Variants in RGS7 observed in about 807,000 individuals in gnomAD.
The protein encoded by RGS7 is regulator of G protein signaling 7, also known as regulator of G-protein signaling 7.
RGS7 carries 27 observed loss-of-function variants against 81.1 expected under a neutral mutation model. The ratio of observed to expected loss-of-function variants is 0.33; its 90% CI spans 0.25 to 0.46. The LOEUF (loss-of-function observed/expected upper bound fraction) is 0.46. Ranked by LOEUF, RGS7 falls within the 20% of genes least tolerant of loss-of-function variation. RGS7 has a pLI of 1.00. For missense variants in RGS7, 396 were observed against 607.4 expected (o/e 0.65, Z 3.66); for synonymous variants, 208 against 207.7 (o/e 1.00, Z -0.01).
chr1:240,830,895 G>A (rs1163227988), intron 9 of RGS7, among the ~76,000 whole-genome samples: 2 of 152,084 alleles, frequency 1.3e-5, no homozygotes, highest in African/African-American at 4.8e-5. Context: ...CAGTCCTGAA[G>A]GAAATTAGAA....
intron 4 of RGS7, among the ~76,000 whole-genome samples, chr1:240,970,071 C>T (rs545579640): frequency 6.6e-6 from 1 of 152,290 alleles, no homozygotes; most frequent in Non-Finnish European, 1.5e-5. Flanking sequence ...AGCTTTCTTG[C>T]CCCCTTCCTA....
chr1:240,866,050 A>G (rs902483300), intron 9 of RGS7, among the ~76,000 whole-genome samples: 3 of 152,218 alleles, frequency 2.0e-5, no homozygotes, highest in Non-Finnish European at 4.4e-5. Context: ...AGTGCCTGAG[A>G]TCACTTCAAA....
At chr1:240,825,315 G>C (rs530596070) in intron 10 of RGS7, among the ~76,000 whole-genome samples, 1 of 152,326 alleles carries the variant, frequency 6.6e-6, no homozygotes, top group South Asian at 2.1e-4. Flanking sequence ...TAAAGTATCA[G>C]TGGTGATACT....
At chr1:241,314,097 G>A (rs1354523300) in intron 2 of RGS7, among the ~76,000 whole-genome samples, 4 of 152,296 alleles carry the variant, frequency 2.6e-5, no homozygotes, top group African/African-American at 9.6e-5. Flanking sequence ...TGACAAGAAA[G>A]GATTTAAAAT....
intron 6 of RGS7, among the ~76,000 whole-genome samples, chr1:240,889,980 A>G (rs1668021177): frequency 6.6e-6 from 1 of 152,140 alleles, no homozygotes; most frequent in Non-Finnish European, 1.5e-5. Flanking sequence ...TATCTCTCAG[A>G]GTTTCCACCT....
intron 3 of RGS7, among the ~76,000 whole-genome samples, chr1:241,038,833 G>T (rs1290896184): frequency 6.6e-6 from 1 of 152,016 alleles, no homozygotes; most frequent in Non-Finnish European, 1.5e-5. Flanking sequence ...AAATTAGTAG[G>T]GCATGCATTT....
chr1:240,789,455 A>G (rs1177667995), intron 18 of RGS7, among the ~76,000 whole-genome samples: 3 of 152,228 alleles, frequency 2.0e-5, no homozygotes, highest in African/African-American at 7.2e-5. Flanking sequence ...GGCAGAACAG[A>G]GCCATATTTC....
intron 15 of RGS7, 97 bp from the exon 16 acceptor site, chr1:240,803,090 A>C: frequency 2.5e-6 from 2 of 807,302 alleles, no homozygotes. Context: ...ATCTAGTAGC[A>C]GCGAAAAATA....
intron 2 of RGS7, among the ~76,000 whole-genome samples, chr1:241,145,851 G>C (rs1346265377): frequency 1.3e-5 from 2 of 152,188 alleles, no homozygotes; most frequent in Non-Finnish European, 2.9e-5. Flanking sequence ...GTGATGTTTA[G>C]AGTGAAACTC....
At chr1:241,232,334 G>C (rs957539698) in intron 2 of RGS7, among the ~76,000 whole-genome samples, 1 of 152,060 alleles carries the variant, frequency 6.6e-6, no homozygotes, top group African/African-American at 2.4e-5. Flanking sequence ...CCACAGGCTT[G>C]AGACACTGTA....
intron 4 of RGS7, among the ~76,000 whole-genome samples, chr1:240,951,050 T>C (rs550406147): frequency 4.6e-5 from 7 of 152,066 alleles, no homozygotes; most frequent in Admixed American, 1.3e-4. Flanking sequence ...GCCTTCCAAG[T>C]AGCTGAGACC....
chr1:240,786,561 A>C (rs913887335), intron 18 of RGS7, among the ~76,000 whole-genome samples: 4 of 152,192 alleles, frequency 2.6e-5, no homozygotes, highest in Non-Finnish European at 5.9e-5. Context: ...TGTACATATA[A>C]ACACACACAA....
At chr1:240,785,989 T>C (rs568328500) in intron 18 of RGS7, among the ~76,000 whole-genome samples, 1 of 152,292 alleles carries the variant, frequency 6.6e-6, no homozygotes, top group East Asian at 1.9e-4. Flanking sequence ...CTGTCATATT[T>C]AATGTTGAAT....
rs192159453 is a variant in RGS7 at position 240,831,537 on chromosome 1, C to T, written c.610-4365G>A. Among the ~76,000 whole-genome samples the T allele has an allele frequency of 1.1e-3, 167 of 151,902 alleles. 1 individual carries two copies. Among genetic ancestry groups the T allele is most frequent in the African/African-American group, 4.0e-3 (165 of 41,426 alleles). Reference sequence around the variant, plus strand: ...CAGTAACTTCCTGATACAATAAAAACGACAGACACATGAATAATCAGAATA... The same window carrying T: ...CAGTAACTTCCTGATACAATAAAAATGACAGACACATGAATAATCAGAATA... On this transcript the variant is annotated intron_variant, in intron 9 of 18. Transcript: ENST00000440928.
intron 2 of RGS7, among the ~76,000 whole-genome samples, chr1:241,257,897 T>C (rs2077126878): frequency 6.6e-6 from 1 of 152,192 alleles, no homozygotes; most frequent in Admixed American, 6.5e-5. Flanking sequence ...TCCTTTATTG[T>C]CATTGAAGAT....
chr1:240,875,037 C>T (rs1035960415), intron 6 of RGS7, among the ~76,000 whole-genome samples: 1 of 151,784 alleles, frequency 6.6e-6, no homozygotes, highest in African/African-American at 2.4e-5. Flanking sequence ...AGCGAAACTC[C>T]ATCTCAAAAC....
intron 2 of RGS7, among the ~76,000 whole-genome samples, chr1:241,341,126 C>A (rs1396497117): frequency 6.6e-6 from 1 of 152,216 alleles, no homozygotes; most frequent in Non-Finnish European, 1.5e-5. Flanking sequence ...CCCATTTACA[C>A]AATCACGAAA....
At chr1:241,340,469 T>C (rs1573753728) in intron 2 of RGS7, among the ~76,000 whole-genome samples, 1 of 152,188 alleles carries the variant, frequency 6.6e-6, no homozygotes, top group Non-Finnish European at 1.5e-5. Flanking sequence ...GGATATTCCT[T>C]AAAGAATTTA....
intron 2 of RGS7, among the ~76,000 whole-genome samples, chr1:241,295,284 T>TAAA (rs144630615): frequency 5.5e-5 from 8 of 146,728 alleles, no homozygotes; most frequent in East Asian, 2.0e-4. Context: ...CCGTCTCTAC[T>TAAA]AAAAAAAAAA....
Sources: allele counts gnomAD v4.1 joint callset (sites outside exome capture counted in the v4.1 genomes callset), GRCh38; gene constraint gnomAD v4.1.1; transcripts MANE v1.5; gene names NCBI Gene and HGNC (gene_info 2026-07-23, HGNC 2026-07-21).